INPP5B: variants seen among roughly 807,000 people sequenced by gnomAD.
INPP5B encodes inositol polyphosphate-5-phosphatase B.
Under a neutral mutation model 118.5 loss-of-function variants are expected in INPP5B, and 90 were observed. That is an observed-to-expected ratio of 0.76 (90% confidence interval 0.64 to 0.90). INPP5B has a LOEUF of 0.90. Ranked by LOEUF, INPP5B falls within the 40% of genes least tolerant of loss-of-function variation. The pLI is 0.00. For missense variants in INPP5B, 984 were observed against 1,125.6 expected (o/e 0.87, Z 1.80); for synonymous variants, 385 against 418.9 (o/e 0.92, Z 0.99).
chr1:37,938,990 T>C (rs1645806618), intron 6 of INPP5B, among the ~76,000 whole-genome samples: 1 of 151,854 alleles, frequency 6.6e-6, no homozygotes, highest in Non-Finnish European at 1.5e-5. Flanking sequence ...GGTCAGGAGT[T>C]CAAGACCAGC....
intron 7 of INPP5B, among the ~76,000 whole-genome samples, chr1:37,918,829 C>G (rs1279976013): frequency 2.6e-5 from 4 of 152,206 alleles, no homozygotes; most frequent in Admixed American, 2.6e-4. Context: ...CATTCAGGAA[C>G]TGTTCCTCTC....
At chr1:37,876,321 G>A (rs1354615472) in intron 16 of INPP5B, among the ~76,000 whole-genome samples, 1 of 151,352 alleles carries the variant, frequency 6.6e-6, no homozygotes, top group Non-Finnish European at 1.5e-5. Flanking sequence ...GCCCAGGCTG[G>A]TCTTGAACTC....
intron 19 of INPP5B, among the ~76,000 whole-genome samples, chr1:37,871,409 G>A (rs189362321): frequency 2.6e-5 from 4 of 152,044 alleles, no homozygotes; most frequent in Non-Finnish European, 4.4e-5. Context: ...AGTAAGCCAC[G>A]ATCGTGCCAC....
intron 6 of INPP5B, among the ~76,000 whole-genome samples, chr1:37,937,007 C>T (rs547757029): frequency 1.6e-4 from 25 of 152,044 alleles, no homozygotes; most frequent in Admixed American, 3.3e-4. Flanking sequence ...CTTGTAAGAT[C>T]GTGGTAAAGA....
At chr1:37,917,308 TTATATA>T (rs368327131) in intron 7 of INPP5B, among the ~76,000 whole-genome samples, 2,920 of 92,734 alleles carry the variant, frequency 0.031, 136 homozygotes, top group African/African-American at 0.061. Context: ...AAAAAAATAA[TTATATA>T]TATATATATA....
intron 8 of INPP5B, 83 bp downstream of exon 8, chr1:37,891,275 C>A: frequency 1.1e-6 from 1 of 919,406 alleles, no homozygotes; most frequent in Non-Finnish European, 1.7e-6. Flanking sequence ...CCTGGGACAA[C>A]TTACATTATA....
chr1:37,926,184 T>C (rs867237124), intron 7 of INPP5B, among the ~76,000 whole-genome samples: 2 of 152,234 alleles, frequency 1.3e-5, no homozygotes, highest in African/African-American at 4.8e-5. Context: ...ATAAATAGCA[T>C]TCATTTCCTT....
intron 16 of INPP5B, among the ~76,000 whole-genome samples, chr1:37,877,346 GAA>G (rs796297629): frequency 3.8e-5 from 4 of 105,264 alleles, no homozygotes; most frequent in South Asian, 5.5e-4. Context: ...CATCTCAACA[GAA>G]AAAAAAAAAA....
At chr1:37,914,377 C>T (rs932901331) in intron 7 of INPP5B, among the ~76,000 whole-genome samples, 1 of 152,108 alleles carries the variant, frequency 6.6e-6, no homozygotes, top group Non-Finnish European at 1.5e-5. Context: ...GAGTCTGGCT[C>T]GGGACCCCTT....
intron 7 of INPP5B, among the ~76,000 whole-genome samples, chr1:37,893,519 C>T (rs542600088): frequency 7.2e-4 from 110 of 152,256 alleles, no homozygotes; most frequent in African/African-American, 2.6e-3. Flanking sequence ...ATATTCCTAT[C>T]CCCAGTGTCA....
chr1:37,896,600 G>C (rs1432423992), intron 7 of INPP5B, among the ~76,000 whole-genome samples: 1 of 144,176 alleles, frequency 6.9e-6, no homozygotes, highest in Non-Finnish European at 1.5e-5. Context: ...AAGGAGGTGG[G>C]GGGGTCAGCC....
At chr1:37,892,715 CA>C (rs1411434039) in intron 7 of INPP5B, among the ~76,000 whole-genome samples, 1 of 152,162 alleles carries the variant, frequency 6.6e-6, no homozygotes, top group Non-Finnish European at 1.5e-5. Flanking sequence ...AATCAATCAC[CA>C]AATGCTATAG....
intron 7 of INPP5B, chr1:37,929,446 C>T (rs1645364650): frequency 6.6e-6 from 1 of 152,064 alleles, no homozygotes; most frequent in Non-Finnish European, 1.5e-5. Flanking sequence ...CAACTGTTTG[C>T]TTTGGGTTCT....
intron 7 of INPP5B, among the ~76,000 whole-genome samples, chr1:37,918,007 CTT>C (rs1644933712): frequency 6.6e-6 from 1 of 152,178 alleles, no homozygotes; most frequent in South Asian, 2.1e-4. Flanking sequence ...ATTCTGGACT[CTT>C]TCCCTGAGCT....
At position 37,868,522 on chromosome 1, in the gene INPP5B, C is replaced by T. The variant is rs1167199229; in HGVS notation, c.2280G>A (p.Leu760=). ...PKELWMMVDY[L]YRNAVQQEDL... ...CTACCTGCTGGACAGCATTTCGGTA[C>T]AGGTAATCAACCATCATCCAGAGCT... is the stretch of plus-strand genomic sequence containing the variant. Residue 760 remains leucine, a synonymous_variant, in exon 20 of 24, where the codon CTG becomes CTA. Transcript: ENST00000373024. The T allele has an allele frequency of 1.2e-6, 2 of 1,613,450 alleles. No homozygotes were observed. Among genetic ancestry groups the T allele is most frequent in the African/African-American group, 1.3e-5 (1 of 74,888 alleles).
At chr1:37,926,130 TTC>T (rs1645219014) in intron 7 of INPP5B, among the ~76,000 whole-genome samples, 1 of 152,228 alleles carries the variant, frequency 6.6e-6, no homozygotes, top group South Asian at 2.1e-4. Context: ...GCTCTCTGGC[TTC>T]TACTCTGGTA....
chr1:37,894,423 G>C lies in INPP5B; in HGVS notation c.533-2969C>G, dbSNP rs561271698. Among the ~76,000 whole-genome samples, 7 of 152,192 alleles carry C rather than the reference G, an allele frequency of 4.6e-5. No individual in the cohort carries two copies. In the East Asian group the frequency reaches 9.6e-4, roughly 21 times the overall value. Reference sequence around the variant, plus strand: ...TAGACTGTAAGCTTACTGAGGACTAGACTTTGTCTGATTTATGCATCACTG... The same window carrying C: ...TAGACTGTAAGCTTACTGAGGACTACACTTTGTCTGATTTATGCATCACTG... On this transcript the variant is annotated intron_variant, in intron 7 of 23. Transcript: ENST00000373024.
At chr1:37,928,257 G>A (rs965454497) in intron 7 of INPP5B, among the ~76,000 whole-genome samples, 2 of 151,524 alleles carry the variant, frequency 1.3e-5, no homozygotes, top group Non-Finnish European at 2.9e-5. Flanking sequence ...CACTGCAATC[G>A]CCACCTCCCG....
intron 7 of INPP5B, among the ~76,000 whole-genome samples, chr1:37,901,040 G>A (rs1023162152): frequency 1.3e-5 from 2 of 152,150 alleles, no homozygotes; most frequent in African/African-American, 4.8e-5. Context: ...TCGAACTCCT[G>A]ACTTGGTGAT....
Sources: gnomAD v4.1 joint callset for allele counts (sites outside exome capture counted in the v4.1 genomes callset) on GRCh38, gnomAD v4.1.1 for gene constraint, MANE v1.5 for transcripts, NCBI Gene and HGNC (gene_info 2026-07-23, HGNC 2026-07-21) for gene names.